The following TET2 variants were observed in gnomAD, a reference collection of about 807,000 sequenced individuals.
TET2 encodes the protein methylcytosine dioxygenase TET2.
Under a neutral mutation model 142.9 loss-of-function variants are expected in TET2, and 299 were observed. That is an observed-to-expected ratio of 2.09 (90% confidence interval 1.90 to 2.30). The LOEUF (loss-of-function observed/expected upper bound fraction) is 2.30, where lower values mean the gene tolerates loss of function less well. TET2 is among the 30% of genes most tolerant of loss of function. The pLI, the probability that TET2 is intolerant of heterozygous loss-of-function variation, is 0.00. For synonymous variants in TET2, 819 were observed against 849.0 expected (o/e 0.96, Z 0.61); for missense variants, 2,418 against 2,378.0 (o/e 1.02, Z -0.35).
intron 2 of TET2, among the ~76,000 whole-genome samples, chr4:105,200,628 GT>G (rs59081353): frequency 0.067 from 10,028 of 148,880 alleles, 911 homozygotes; most frequent in African/African-American, 0.2. Context: ...AGGTCACACT[GT>G]TTTTTTTTGT....
At chr4:105,274,466 T>C (rs986202123) in intron 10 of TET2, among the ~76,000 whole-genome samples, 1 of 152,220 alleles carries the variant, frequency 6.6e-6, no homozygotes, top group Admixed American at 6.5e-5. Context: ...CATTCCCGAA[T>C]CTTACATAAT....
intron 7 of TET2, among the ~76,000 whole-genome samples, chr4:105,260,218 T>A (rs1730355465): frequency 6.7e-6 from 1 of 148,694 alleles, no homozygotes; most frequent in South Asian, 2.1e-4. Context: ...ACTAAAACAT[T>A]TAGATTTTAA....
chr4:105,247,928 G>C (rs182148230), intron 6 of TET2, among the ~76,000 whole-genome samples: 7 of 152,006 alleles, frequency 4.6e-5, no homozygotes, highest in African/African-American at 1.7e-4. Flanking sequence ...CGCCATGTTG[G>C]CCAGGCTGGT....
intron 2 of TET2, among the ~76,000 whole-genome samples, chr4:105,221,035 A>G (rs894327739): frequency 1.3e-5 from 2 of 152,210 alleles, no homozygotes; most frequent in Non-Finnish European, 2.9e-5. Context: ...ACAATTATCC[A>G]TTCTAATAAT....
chr4:105,155,661 G>A (rs892082090), intron 1 of TET2, among the ~76,000 whole-genome samples: 6 of 152,248 alleles, frequency 3.9e-5, no homozygotes, highest in South Asian at 2.1e-4. Flanking sequence ...GGTTGCAGCC[G>A]GTTGGATCCC....
At chr4:105,159,478 C>G (rs924219996) in intron 1 of TET2, among the ~76,000 whole-genome samples, 1 of 152,072 alleles carries the variant, frequency 6.6e-6, no homozygotes, top group Admixed American at 6.5e-5. Flanking sequence ...TGGTGTTGAA[C>G]TCCCGACTTA....
At chr4:105,241,864 A>T in intron 4 of TET2, 1 of 1,247,008 alleles carries the variant, frequency 8.0e-7, no homozygotes, top group South Asian at 4.1e-5. Flanking sequence ...CTTATCTCTA[A>T]GTTTTCTTTT....
At chr4:105,254,545 C>T (rs1002935232) in intron 6 of TET2, among the ~76,000 whole-genome samples, 12 of 152,090 alleles carry the variant, frequency 7.9e-5, no homozygotes, top group Admixed American at 3.3e-4. Flanking sequence ...CCAAGTAGCT[C>T]GGACTACAGG....
chr4:105,167,816 G>A (rs1724243562), intron 1 of TET2, among the ~76,000 whole-genome samples: 1 of 152,120 alleles, frequency 6.6e-6, no homozygotes, highest in Non-Finnish European at 1.5e-5. Flanking sequence ...TAATAGAAAA[G>A]GAGATAAAAC....
intron 6 of TET2, among the ~76,000 whole-genome samples, chr4:105,251,793 T>A (rs192417009): frequency 1.3e-3 from 196 of 152,330 alleles, no homozygotes; most frequent in African/African-American, 4.6e-3. Flanking sequence ...TACAAAGGAT[T>A]GGTTTAACTC....
chr4:105,161,797 AGAT>A (rs1199886845), intron 1 of TET2, among the ~76,000 whole-genome samples: 2 of 152,252 alleles, frequency 1.3e-5, no homozygotes, highest in African/African-American at 2.4e-5. Flanking sequence ...GTCTTCATAA[AGAT>A]GAGACTGAGT....
chr4:105,259,397 A>T (rs1344050014), intron 6 of TET2, among the ~76,000 whole-genome samples: 1 of 152,178 alleles, frequency 6.6e-6, no homozygotes, highest in African/African-American at 2.4e-5. Context: ...TTCCATTTGT[A>T]AACTGTAAAA....
At chr4:105,265,761 T>C (rs1469059564) in intron 8 of TET2, among the ~76,000 whole-genome samples, 7 of 152,052 alleles carry the variant, frequency 4.6e-5, no homozygotes, top group African/African-American at 7.2e-5. Flanking sequence ...TGACAAAATA[T>C]ATGAAACAAT....
At position 105,275,667 on chromosome 4, in the gene TET2, G is replaced by C. The variant is rs1322725987; in HGVS notation, c.5157G>C (p.Gly1719=). Residue 1719 remains glycine, a synonymous_variant, in exon 11 of 11, where the codon GGG becomes GGC. Transcript: ENST00000380013. ...CTIRPNVHHV[G]KLPPYPTHEM... Reference sequence around the variant, plus strand: ...TTAGACCAAATGTACATCATGTAGGGAAATTGCCTCCTTATCCCACTCATG... The same window carrying C: ...TTAGACCAAATGTACATCATGTAGGCAAATTGCCTCCTTATCCCACTCATG... 5 of 1,551,940 alleles carry C rather than the reference G, an allele frequency of 3.2e-6. No individual in the cohort carries two copies.
At chr4:105,224,684 G>GTCTCTCTCTCTCTCTC (rs34870510) in intron 2 of TET2, among the ~76,000 whole-genome samples, 1,259 of 108,110 alleles carry the variant, frequency 0.012, 133 homozygotes, top group African/African-American at 0.014. Context: ...ATATCAGCCA[G>GTCTCTCTCTCTCTCTC]TCTCTCTCTC....
At chr4:105,259,898 A>G (rs1315919510) in intron 7 of TET2, 129 bp downstream of exon 7, 4 of 829,982 alleles carry the variant, frequency 4.8e-6, no homozygotes, top group Non-Finnish European at 6.8e-6. Flanking sequence ...CTGTAGATAC[A>G]CACTATTTTT....
At chr4:105,256,719 C>CATT (rs1730152756) in intron 6 of TET2, among the ~76,000 whole-genome samples, 1 of 152,022 alleles carries the variant, frequency 6.6e-6, no homozygotes, top group Non-Finnish European at 1.5e-5. Flanking sequence ...TGGGGACCTG[C>CATT]ATTATGTCTA....
chr4:105,276,623 T>C lies in TET2; in HGVS notation c.*104T>C. 7.6e-7 allele frequency: 1 copy of C among 1,311,282 alleles called. No homozygotes were observed. Among genetic ancestry groups the C allele is most frequent in the African/African-American group, 1.5e-5 (1 of 67,036 alleles). The allele number at this position is 1,311,282 out of a possible 1,614,324, so 81.2% of individuals were successfully genotyped here. ...CAGTGGGGAAAGGTCACAGTATTCA[T>C]GACAAATGTGGTGGGAAAAACCTCA... On this transcript the variant is annotated 3_prime_UTR_variant, in exon 11 of 11. Coordinates refer to ENST00000380013, the MANE Select transcript of TET2 (RefSeq NM_001127208.3).
chr4:105,154,066 A>G (rs1723442859), intron 1 of TET2, among the ~76,000 whole-genome samples: 3 of 152,234 alleles, frequency 2.0e-5, no homozygotes, highest in Admixed American at 2.0e-4. Flanking sequence ...TTCAATTTTA[A>G]GTAACGTCCA....
Sources: allele counts gnomAD v4.1 joint callset (sites outside exome capture counted in the v4.1 genomes callset), GRCh38; gene constraint gnomAD v4.1.1; transcripts MANE v1.5; gene names NCBI Gene and HGNC (gene_info 2026-07-23, HGNC 2026-07-21).